Variants in LAMA3 observed in about 807,000 individuals in gnomAD.
LAMA3 encodes laminin subunit alpha-3.
LAMA3 carries 281 observed loss-of-function variants against 402.0 expected under a neutral mutation model. The observed-to-expected ratio is 0.70, with a 90% CI of 0.63 to 0.77. The LOEUF is 0.77. LAMA3 is among the 30% of genes least tolerant of loss of function. The pLI, the probability that LAMA3 is intolerant of heterozygous loss-of-function variation, is 0.00. For synonymous variants in LAMA3, 1,431 were observed against 1,558.4 expected, an observed-to-expected ratio of 0.92 and a Z score of 1.93; for missense variants, 3,840 against 4,215.5, an observed-to-expected ratio of 0.91 and a Z score of 2.47.
At chr18:23,848,089 G>T (rs755539434) in intron 32 of LAMA3, among the ~76,000 whole-genome samples, 5 of 152,210 alleles carry the variant, frequency 3.3e-5, no homozygotes, top group Non-Finnish European at 7.4e-5. Context: ...TCTAGGGTTC[G>T]CTGGCAGTGT....
intron 2 of LAMA3, among the ~76,000 whole-genome samples, chr18:23,736,853 C>T (rs770238892): frequency 5.3e-5 from 8 of 152,104 alleles, no homozygotes; most frequent in South Asian, 4.1e-4. Context: ...ATTGTGTGGA[C>T]GCTGGGGATG....
intron 35 of LAMA3, among the ~76,000 whole-genome samples, chr18:23,862,648 G>A (rs947664891): frequency 6.6e-6 from 1 of 152,092 alleles, no homozygotes; most frequent in African/African-American, 2.4e-5. Context: ...CCTCTTTACC[G>A]CTATATGACG....
chr18:23,827,688 G>T (rs1169753755), intron 23 of LAMA3, among the ~76,000 whole-genome samples: 1 of 152,136 alleles, frequency 6.6e-6, no homozygotes, highest in Non-Finnish European at 1.5e-5. Flanking sequence ...TCTAGACATG[G>T]CAGGGGATGT....
chr18:23,758,356 A>T, intron 6 of LAMA3, 40 bp from the exon 7 acceptor site: 1 of 1,520,270 alleles, frequency 6.6e-7, no homozygotes, highest in South Asian at 1.1e-5. Context: ...CCTCATCAAA[A>T]CTTTTCAATA....
At chr18:23,843,286 T>C (rs1225889788) in intron 29 of LAMA3, among the ~76,000 whole-genome samples, 4 of 152,140 alleles carry the variant, frequency 2.6e-5, no homozygotes, top group African/African-American at 4.8e-5. Flanking sequence ...GTGACCACCA[T>C]CTCCTGCGTA....
At chr18:23,755,845 CA>C (rs2061832840) in intron 6 of LAMA3, among the ~76,000 whole-genome samples, 1 of 152,196 alleles carries the variant, frequency 6.6e-6, no homozygotes, top group Non-Finnish European at 1.5e-5. Context: ...ATTCTCTAAT[CA>C]ATGACATCTT....
intron 17 of LAMA3, among the ~76,000 whole-genome samples, 183 bp from the exon 18 acceptor site, chr18:23,816,205 C>T (rs1041743135): frequency 1.7e-4 from 26 of 152,148 alleles, no homozygotes; most frequent in African/African-American, 5.8e-4. Context: ...TTTCCAAGCG[C>T]GGACACACCA....
chr18:23,920,393 C>T (rs772388377), intron 60 of LAMA3, among the ~76,000 whole-genome samples: 1 of 152,120 alleles, frequency 6.6e-6, no homozygotes, highest in African/African-American at 2.4e-5. Context: ...TGGATTGGAG[C>T]TACAGGAGAG....
intron 35 of LAMA3, among the ~76,000 whole-genome samples, chr18:23,862,609 A>G (rs990649554): frequency 6.6e-6 from 1 of 152,200 alleles, no homozygotes; most frequent in Non-Finnish European, 1.5e-5. Context: ...CCTCTCTTCT[A>G]TGATCCCACT....
Position 23,768,197 on chromosome 18 carries a change from A to G in LAMA3, c.1182+4674A>G, listed in dbSNP as rs139639193. Among the ~76,000 whole-genome samples the G allele has an allele frequency of 1.3e-3, 202 of 152,174 alleles. 1 individual carries two copies. Among genetic ancestry groups the G allele is most frequent in the African/African-American group, 4.7e-3 (197 of 41,548 alleles). On this transcript the variant is annotated intron_variant, in intron 8 of 74. Transcript: ENST00000313654. ...AAAAAAAACTATCAGCAGAGTAAAC[A>G]GACAGCCTACAGAGTGGGAGAAAAT...
At chr18:23,942,841 G>T (rs1277960572) in intron 68 of LAMA3, among the ~76,000 whole-genome samples, 1 of 152,122 alleles carries the variant, frequency 6.6e-6, no homozygotes, top group Non-Finnish European at 1.5e-5. Context: ...GCCTCCCAAA[G>T]TGCTAGGATT....
intron 1 of LAMA3, among the ~76,000 whole-genome samples, chr18:23,696,793 C>T (rs536290904): frequency 3.2e-4 from 49 of 152,358 alleles, no homozygotes; most frequent in Middle Eastern, 3.4e-3. Flanking sequence ...AGCCACTGCA[C>T]CCTGATAGAT....
chr18:23,914,738 A>G lies in LAMA3; in HGVS notation c.7522A>G (p.Thr2508Ala). The G allele has an allele frequency of 6.2e-7, 1 of 1,613,920 alleles. No individual in the cohort carries two copies. The change falls in exon 58 of 75, where the codon ACA becomes GCA. Residue 2508 changes from threonine (T) to alanine (A), a missense_variant. Physicochemically the swap from Thr to Ala is moderately conservative, Grantham distance 58. Around this residue, in one of 3 missense-constraint regions of LAMA3, gnomAD observed 891 missense variants for 857.5 expected, o/e 1.04. Transcript: ENST00000313654. Reference sequence around the variant, plus strand: ...AAGGCTTAATTACACCAAAGGAGCCACATCCAGTAAACCAGAAACACCCGG... The same window carrying G: ...AAGGCTTAATTACACCAAAGGAGCCGCATCCAGTAAACCAGAAACACCCGG... ...FARLNYTKGA[T>A]SSKPETPGVY...
rs765702733 is a variant in LAMA3 at position 23,876,417 on chromosome 18, T to C, written c.5112+10T>C. ...CTCAGGCATATGTGTTGTGAGTAAA[T>C]TGACACTTTAATGCTATCAGCAGAC... is the stretch of plus-strand genomic sequence containing the variant. On this transcript the variant is annotated intron_variant, in intron 39 of 74. Transcript: ENST00000313654. The C allele has an allele frequency of 6.5e-7, 1 of 1,544,572 alleles. No homozygotes were observed. The highest frequency in any genetic ancestry group is 1.7e-5 in the Admixed American group (1 of 59,922).
In LAMA3 at chr18:23,842,482, C is replaced by T. The variant is rs2063723437; in HGVS notation, c.3424C>T (p.Pro1142Ser). Residue 1142 changes from proline to serine, a missense_variant, in exon 28 of 75, where the codon CCC (proline) becomes TCC (serine). Coordinates refer to ENST00000313654, the MANE Select transcript of LAMA3 (RefSeq NM_198129.4). ...HFYQAAHPTF[P>S]AQVSVDGGWP... ...TTACCAAGCAGCGCACCCGACGTTT[C>T]CCGCGCAGGTGTCGGTGGATGGCGG... 6.2e-7 allele frequency: 1 copy of T among 1,614,122 alleles called. No homozygotes were observed. Among genetic ancestry groups the T allele is most frequent in the Middle Eastern group, 1.6e-4 (1 of 6,084 alleles).
At chr18:23,785,002 T>C (rs1263699107) in intron 12 of LAMA3, among the ~76,000 whole-genome samples, 1 of 152,200 alleles carries the variant, frequency 6.6e-6, no homozygotes, top group Admixed American at 6.5e-5. Flanking sequence ...CAGCAGGCTC[T>C]AGGCTGGGCT....
intron 37 of LAMA3, among the ~76,000 whole-genome samples, chr18:23,868,609 C>T (rs1265373645): frequency 6.6e-6 from 1 of 152,152 alleles, no homozygotes; most frequent in African/African-American, 2.4e-5. Flanking sequence ...GAGACCCTGT[C>T]TCAAACAAAC....
At chr18:23,832,621 C>A (rs2063509213) in intron 23 of LAMA3, among the ~76,000 whole-genome samples, 1 of 152,118 alleles carries the variant, frequency 6.6e-6, no homozygotes, top group South Asian at 2.1e-4. Flanking sequence ...AATTCCACTT[C>A]TAGGAATCTT....
intron 25 of LAMA3, among the ~76,000 whole-genome samples, chr18:23,837,570 G>GACATATATATATATATATATAT (rs1555707624): frequency 3.7e-4 from 31 of 83,290 alleles, no homozygotes; most frequent in Non-Finnish European, 2.1e-4. Context: ...CAGTTAATCA[G>GACATATATATATATATATATAT]ATATATATAT....
Sources: gnomAD v4.1 joint callset for allele counts (sites outside exome capture counted in the v4.1 genomes callset) on GRCh38, gnomAD v4.1.1 for gene constraint, gnomAD v4.1.1 regional missense constraint, MANE v1.5 for transcripts, NCBI Gene and HGNC (gene_info 2026-07-23, HGNC 2026-07-21) for gene names.